OR6C2: variants seen among roughly 807,000 people sequenced by gnomAD.
OR6C2 encodes the protein olfactory receptor family 6 subfamily C member 2, also known as olfactory receptor 6C2.
For synonymous variants in OR6C2, 146 were observed against 134.2 expected (o/e 1.09, Z -0.61); for missense variants, 435 against 365.8 (o/e 1.19, Z -1.54).
rs1162883421 is a variant in OR6C2 at position 55,452,279 on chromosome 12, A to G, written c.66A>G (p.Gln22=). Residue 22 remains glutamine, a synonymous_variant, in exon 2 of 2, where the codon CAA becomes CAG. Transcript: ENST00000641202. ...LLGLTGDPHL[Q]VLLFIFLFLT... ...GACTGACAGGTGACCCACACCTGCA[A>G]GTTCTGCTTTTTATCTTTCTATTTC... is the stretch of plus-strand genomic sequence containing the variant. 2.5e-6 allele frequency: 4 copies of G among 1,612,926 alleles called. No individual in the cohort carries two copies. The highest frequency in any genetic ancestry group is 3.4e-6 in the Non-Finnish European group (4 of 1,179,416).
chr12:55,449,789 C>A (rs1871432907), intron 1 of OR6C2, among the ~76,000 whole-genome samples: 1 of 151,436 alleles, frequency 6.6e-6, no homozygotes, highest in Non-Finnish European at 1.5e-5. Flanking sequence ...AACAACCAAG[C>A]AGATAACAAT....
chr12:55,452,780 T>C lies in OR6C2; in HGVS notation c.567T>C (p.Asp189=). Residue 189 remains aspartate, a synonymous_variant, in exon 2 of 2, where the codon GAT becomes GAC. Transcript: ENST00000641202. ...AGPLLKISCS[D]TWVIEQMVIL... is the part of the protein sequence containing the mutation. ...CTCTCCTAAAGATCTCATGCTCAGA[T>C]ACATGGGTAATAGAACAGATGGTTA... The C allele has an allele frequency of 2.5e-6, 4 of 1,613,900 alleles. No individual in the cohort carries two copies. The African/African-American group carries it at 4.0e-5, about 16-fold the overall frequency.
chr12:55,447,629 C>T (rs999272547), intron 1 of OR6C2, among the ~76,000 whole-genome samples: 10 of 152,088 alleles, frequency 6.6e-5, no homozygotes, highest in African/African-American at 2.4e-4. Context: ...AGTATAACCT[C>T]TTGTAGGTTC....
intron 1 of OR6C2, among the ~76,000 whole-genome samples, chr12:55,446,971 A>T (rs891361993): frequency 6.6e-6 from 1 of 152,116 alleles, no homozygotes; most frequent in African/African-American, 2.4e-5. Context: ...CAGAACAAGT[A>T]TTCTATCTCC....
chr12:55,446,426 G>T (rs567197972), intron 1 of OR6C2, among the ~76,000 whole-genome samples: 2 of 152,112 alleles, frequency 1.3e-5, no homozygotes, highest in Admixed American at 1.3e-4. Flanking sequence ...CACCGCGCCC[G>T]GCCAGTGGTA....
At chr12:55,448,573 A>C (rs1456072764) in intron 1 of OR6C2, among the ~76,000 whole-genome samples, 1 of 146,638 alleles carries the variant, frequency 6.8e-6, no homozygotes, top group Non-Finnish European at 1.5e-5. Context: ...AAAAAAAAAA[A>C]AGACCTAAAA....
rs139837928 is a variant in OR6C2 at position 55,452,347 on chromosome 12, C to G, written c.134C>G (p.Thr45Ser). 1.9e-6 allele frequency: 3 copies of G among 1,613,606 alleles called. No individual in the cohort carries two copies. Among genetic ancestry groups the G allele is most frequent in the Non-Finnish European group, 2.5e-6 (3 of 1,179,698 alleles). ...LSVTGNLTII[T>S]LTLVDHHLKT... is the part of the protein sequence containing the mutation. ...GTAACAGGGAACCTGACTATTATCA[C>G]CCTCACATTGGTGGACCACCACCTT... The change falls in exon 2 of 2, where the codon ACC becomes AGC. Residue 45 changes from threonine (T) to serine (S), a missense_variant. Transcript: ENST00000641202.
In OR6C2 at chr12:55,452,399, A is replaced by C; in HGVS notation, c.186A>C (p.Arg62Ser). ...AAACTCCTATGTACTTCTTTCTCAG[A>C]AATTTTTCCTTCTTAGAAGTCTCAT... is the stretch of plus-strand genomic sequence containing the variant. ...HLKTPMYFFL[R>S]NFSFLEVSFT... is the part of the protein sequence containing the mutation. The change falls in exon 2 of 2, where the codon AGA becomes AGC. Residue 62 changes from arginine to serine, a missense_variant. By Grantham distance (110) the Arg-to-Ser change is moderately radical (BLOSUM62 -1). Transcript: ENST00000641202. 6.2e-7 allele frequency: 1 copy of C among 1,613,642 alleles called. No homozygotes were observed. The highest frequency in any genetic ancestry group is 2.2e-5 in the East Asian group (1 of 44,874).
At chr12:55,448,780 G>C (rs188512171) in intron 1 of OR6C2, among the ~76,000 whole-genome samples, 4 of 151,768 alleles carry the variant, frequency 2.6e-5, no homozygotes, top group African/African-American at 9.6e-5. Flanking sequence ...TGATGTACTG[G>C]AAAAAGAGGG....
chr12:55,451,834 G>A lies in OR6C2; in HGVS notation c.-380G>A, dbSNP rs1045469238. The A allele has an allele frequency of 5.8e-6, 1 of 172,180 alleles. No individual in the cohort carries two copies. Among genetic ancestry groups the A allele is most frequent in the East Asian group, 1.6e-4 (1 of 6,064 alleles). 10.7% of individuals were successfully genotyped at this position (172,180 alleles called of 1,614,324 possible). The stretch of plus-strand genomic sequence containing the variant: ...ATTACCTGGATATATCCTATATTCA[G>A]AGTTTGTCCTGGACAAAAAATGTTT... On this transcript the variant is annotated 5_prime_UTR_variant, in exon 2 of 2. Coordinates refer to ENST00000641202, the MANE Select transcript of OR6C2 (RefSeq NM_054105.2).
Position 55,452,098 on chromosome 12 carries a change from G to A in OR6C2, c.-116G>A, listed in dbSNP as rs1392115967. 8.4e-6 allele frequency: 5 copies of A among 594,160 alleles called. No homozygotes were observed. The Admixed American group carries it at 9.5e-5, about 11-fold the overall frequency. 36.8% of individuals were successfully genotyped at this position (594,160 alleles called of 1,614,324 possible). The stretch of plus-strand genomic sequence containing the variant: ...TATTCTATAAAGGGAGAAAATAAAA[G>A]TAGGCTGGTCAGCTTGGCTTCTAGA... On this transcript the variant is annotated 5_prime_UTR_variant, in exon 2 of 2. Coordinates refer to ENST00000641202, the MANE Select transcript of OR6C2 (RefSeq NM_054105.2).
rs760804480 is a variant in OR6C2, at chr12:55,452,311, A to G, written c.98A>G (p.Tyr33Cys). Residue 33 changes from tyrosine to cysteine, a missense_variant, in exon 2 of 2, where the codon TAC (tyrosine) becomes TGC (cysteine). Transcript: ENST00000641202. ...CTTTTTATCTTTCTATTTCTCACCT[A>G]CATGTTGAGTGTAACAGGGAACCTG... Reference protein sequence around the residue: ...VLLFIFLFLTYMLSVTGNLTI... With the variant: ...VLLFIFLFLTCMLSVTGNLTI... 1.2e-6 allele frequency: 2 copies of G among 1,613,342 alleles called. No individual in the cohort carries two copies. The highest frequency in any genetic ancestry group is 8.5e-7 in the Non-Finnish European group (1 of 1,179,432).
chr12:55,450,066 C>T (rs1426317584), intron 1 of OR6C2, among the ~76,000 whole-genome samples: 3 of 152,104 alleles, frequency 2.0e-5, no homozygotes, highest in Admixed American at 6.6e-5. Context: ...CTTCACTAAA[C>T]TTACCAAGAA....
rs534243212 is a variant in OR6C2, at chr12:55,453,222, A to G, written c.*70A>G. On this transcript the variant is annotated 3_prime_UTR_variant, in exon 2 of 2. Transcript: ENST00000641202. ...AATGTCATCCTACAGCTTTTAACTT[A>G]TTTCATTGCTTCCTGACTACAGTTT... is the stretch of plus-strand genomic sequence containing the variant. The G allele has an allele frequency of 9.2e-7, 1 of 1,082,214 alleles. No homozygotes were observed. Among genetic ancestry groups the G allele is most frequent in the South Asian group, 1.6e-5 (1 of 64,084 alleles). 67.0% of individuals were successfully genotyped at this position (1,082,214 alleles called of 1,614,324 possible).
rs750363895 is a variant in OR6C2, at chr12:55,452,984, T to C, written c.771T>C (p.Tyr257=). 9.3e-6 allele frequency: 15 copies of C among 1,613,702 alleles called. No individual in the cohort carries two copies. Among genetic ancestry groups the C allele is most frequent in the Non-Finnish European group, 1.1e-5 (13 of 1,179,732 alleles). The change falls in exon 2 of 2, where the codon TAT becomes TAC. Residue 257 remains tyrosine, a synonymous_variant. Transcript: ENST00000641202. ...SIAYGSCIFI[Y]IKPSAKDEVA... Reference sequence around the variant, plus strand: ...CCTATGGAAGCTGCATCTTCATCTATATCAAGCCCTCTGCAAAAGATGAGG... The same window carrying C: ...CCTATGGAAGCTGCATCTTCATCTACATCAAGCCCTCTGCAAAAGATGAGG...
intron 1 of OR6C2, among the ~76,000 whole-genome samples, chr12:55,444,415 T>C (rs1871328726): frequency 6.6e-6 from 1 of 152,212 alleles, no homozygotes; most frequent in Admixed American, 6.6e-5. Flanking sequence ...CACAGAAATA[T>C]GCTTCCAAAT....
chr12:55,453,212 C>A lies in OR6C2; in HGVS notation c.*60C>A. On this transcript the variant is annotated 3_prime_UTR_variant, in exon 2 of 2. Coordinates refer to ENST00000641202, the MANE Select transcript of OR6C2 (RefSeq NM_054105.2). ...AGGCTCCCTAAATGTCATCCTACAG[C>A]TTTTAACTTATTTCATTGCTTCCTG... 8.2e-7 allele frequency: 1 copy of A among 1,222,508 alleles called. No individual in the cohort carries two copies. Among genetic ancestry groups the A allele is most frequent in the Non-Finnish European group, 1.2e-6 (1 of 863,824 alleles). The allele number at this position is 1,222,508 out of a possible 1,614,324, so 75.7% of individuals were successfully genotyped here.
chr12:55,452,310 T>C lies in OR6C2; in HGVS notation c.97T>C (p.Tyr33His). ...GCTTTTTATCTTTCTATTTCTCACC[T>C]ACATGTTGAGTGTAACAGGGAACCT... ...VLLFIFLFLT[Y>H]MLSVTGNLTI... Residue 33 changes from tyrosine (Y) to histidine (H), a missense_variant, in exon 2 of 2, where the codon TAC becomes CAC. Tyr to His is a moderately conservative substitution (Grantham distance 83). Coordinates refer to ENST00000641202, the MANE Select transcript of OR6C2 (RefSeq NM_054105.2). The C allele has an allele frequency of 1.2e-6, 2 of 1,613,366 alleles. No homozygotes were observed. Among genetic ancestry groups the C allele is most frequent in the Non-Finnish European group, 1.7e-6 (2 of 1,179,436 alleles).
At chr12:55,447,107 G>A (rs1414842617) in intron 1 of OR6C2, among the ~76,000 whole-genome samples, 1 of 152,142 alleles carries the variant, frequency 6.6e-6, no homozygotes, top group South Asian at 2.1e-4. Flanking sequence ...GCTGCAGCCT[G>A]TTAATACTTA....
Sources: allele counts gnomAD v4.1 joint callset (sites outside exome capture counted in the v4.1 genomes callset), GRCh38; gene constraint gnomAD v4.1.1; transcripts MANE v1.5; gene names NCBI Gene and HGNC (gene_info 2026-07-23, HGNC 2026-07-21).